IRAK3: variants seen among roughly 807,000 people sequenced by gnomAD.
IRAK3 encodes interleukin 1 receptor associated kinase 3.
In IRAK3, 57 loss-of-function variants were observed where a neutral mutation model predicts 56.6. The observed-to-expected ratio is 1.01, with a 90% CI of 0.81 to 1.26. The LOEUF (loss-of-function observed/expected upper bound fraction) is 1.26. Ranked by LOEUF, IRAK3 falls within the 50% of genes most tolerant of loss-of-function variation. IRAK3 has a pLI of 0.00. For synonymous variants in IRAK3, 258 were observed against 255.7 expected, an observed-to-expected ratio of 1.01 and a Z score of -0.09; for missense variants, 703 against 719.0, an observed-to-expected ratio of 0.98 and a Z score of 0.25.
chr12:66,194,247 T>G (rs1474699330), intron 1 of IRAK3, among the ~76,000 whole-genome samples: 1 of 152,164 alleles, frequency 6.6e-6, no homozygotes, highest in Non-Finnish European at 1.5e-5. Context: ...CTGTCACAAG[T>G]TAGTTAGACA....
intron 5 of IRAK3, among the ~76,000 whole-genome samples, chr12:66,216,728 G>A (rs1458820200): frequency 6.6e-6 from 1 of 152,144 alleles, no homozygotes; most frequent in Non-Finnish European, 1.5e-5. Context: ...TTTTCAAAAG[G>A]CAAAGGTAAA....
chr12:66,196,803 A>G, intron 1 of IRAK3: 1 of 1,382,126 alleles, frequency 7.2e-7, no homozygotes, highest in Non-Finnish European at 9.5e-7. Context: ...TTAACCTTAA[A>G]AGTTCTTTTA....
chr12:66,211,842 G>A (rs2052615377), intron 5 of IRAK3, among the ~76,000 whole-genome samples: 1 of 152,156 alleles, frequency 6.6e-6, no homozygotes, highest in South Asian at 2.1e-4. Flanking sequence ...TGGGTGTGGT[G>A]GTTCACGCCT....
At position 66,248,439 on chromosome 12, in the gene IRAK3, G is replaced by A. The variant is rs1180740907; in HGVS notation, c.*268G>A. 6.1e-6 allele frequency: 2 copies of A among 330,452 alleles called. No homozygotes were observed. The highest frequency in any genetic ancestry group is 8.5e-5 in the Admixed American group (2 of 23,540). The allele number at this position is 330,452 out of a possible 1,614,324, so 20.5% of individuals were successfully genotyped here. A position where few individuals can be genotyped will look rare whatever the true frequency, so the allele number is the denominator to read the frequency against. ...CATTCAAAATTCCTTAAGATCATGG[G>A]TTCTGACTTCAGCCAAACAAAACAA... On this transcript the variant is annotated 3_prime_UTR_variant, in exon 12 of 12. Transcript: ENST00000261233.
rs1313494571 is a variant in IRAK3 at position 66,226,774 on chromosome 12, G to A, written c.705G>A (p.Glu235=). Residue 235 remains glutamate (E), a synonymous_variant, in exon 7 of 12, where the codon GAG becomes GAA. Coordinates refer to ENST00000261233, the MANE Select transcript of IRAK3 (RefSeq NM_007199.3). ...LELAAYFTET[E]KFCLIYPYMR... ...TGGCTGCATATTTTACAGAGACTGA[G>A]AAGTTCTGTCTGATTTATCCATACA... is the stretch of plus-strand genomic sequence containing the variant. 2 of 1,611,908 alleles carry A rather than the reference G, an allele frequency of 1.2e-6. No individual in the cohort carries two copies. Among genetic ancestry groups the A allele is most frequent in the Middle Eastern group, 3.3e-4 (2 of 6,062 alleles).
In IRAK3 at chr12:66,248,449, C is replaced by A; in HGVS notation, c.*278C>A. The A allele has an allele frequency of 3.2e-6, 1 of 310,534 alleles. No homozygotes were observed. The highest frequency in any genetic ancestry group is 6.0e-6 in the Non-Finnish European group (1 of 165,730). 19.2% of individuals were successfully genotyped at this position (310,534 alleles called of 1,614,324 possible). A position where few individuals can be genotyped will look rare whatever the true frequency, so the allele number is the denominator to read the frequency against. ...TCCTTAAGATCATGGGTTCTGACTT[C>A]AGCCAAACAAAACAATCAAAACCTA... On this transcript the variant is annotated 3_prime_UTR_variant, in exon 12 of 12. Transcript: ENST00000261233.
rs560483814 is a variant in IRAK3, at chr12:66,249,978, C to G, written c.*1807C>G. 6.6e-6 allele frequency: 1 copy of G among 152,218 alleles called. No individual in the cohort carries two copies. Among genetic ancestry groups the G allele is most frequent in the Non-Finnish European group, 1.5e-5 (1 of 68,054 alleles). The allele number at this position is 152,218 out of a possible 1,614,324, so 9.4% of individuals were successfully genotyped here. A position where few individuals can be genotyped will look rare whatever the true frequency, so the allele number is the denominator to read the frequency against. On this transcript the variant is annotated 3_prime_UTR_variant, in exon 12 of 12. Coordinates refer to ENST00000261233, the MANE Select transcript of IRAK3 (RefSeq NM_007199.3). The stretch of plus-strand genomic sequence containing the variant: ...GGGGACCATTACTCTGTCTGTCATA[C>G]TCCCTGAGTGTGTAAGGGCCATCTC...
rs1410894067 is a variant in IRAK3, at chr12:66,251,106, G to T, written c.*2935G>T. 2 of 152,188 alleles carry T rather than the reference G, an allele frequency of 1.3e-5. No homozygotes were observed. The highest frequency in any genetic ancestry group is 6.5e-5 in the Admixed American group (1 of 15,274). 9.4% of individuals were successfully genotyped at this position (152,188 alleles called of 1,614,324 possible). A position where few individuals can be genotyped will look rare whatever the true frequency, so the allele number is the denominator to read the frequency against. ...ACAGAGTGGGAGCTCTAGAAAGATT[G>T]TTGACCAATCATCTTATTGACTAGA... On this transcript the variant is annotated 3_prime_UTR_variant, in exon 12 of 12. Transcript: ENST00000261233.
At chr12:66,197,540 C>A in intron 1 of IRAK3, 1 of 985,092 alleles carries the variant, frequency 1.0e-6, no homozygotes, top group Non-Finnish European at 1.2e-6. Context: ...ATTAAGGTTG[C>A]AGTGTGAATC....
intron 2 of IRAK3, 112 bp downstream of exon 2, chr12:66,204,005 T>G (rs1251451933): frequency 1.3e-5 from 13 of 976,374 alleles, no homozygotes; most frequent in Non-Finnish European, 2.1e-5. Context: ...TGTCAGTGTT[T>G]CCTTACCTGT....
chr12:66,196,604 C>G (rs1312049204), intron 1 of IRAK3, among the ~76,000 whole-genome samples: 1 of 152,158 alleles, frequency 6.6e-6, no homozygotes, highest in Non-Finnish European at 1.5e-5. Flanking sequence ...AAGTCACACA[C>G]AGCCCTCCGC....
rs949948170 is a variant in IRAK3 at position 66,248,632 on chromosome 12, C to T, written c.*461C>T. On this transcript the variant is annotated 3_prime_UTR_variant, in exon 12 of 12. Coordinates refer to ENST00000261233, the MANE Select transcript of IRAK3 (RefSeq NM_007199.3). ...CTAATTTGTAAATGTTAATAGATAC[C>T]TTTGGAAAGAATCACCTTGTTATTC... 1.3e-5 allele frequency: 2 copies of T among 153,288 alleles called. No individual in the cohort carries two copies. Among genetic ancestry groups the T allele is most frequent in the African/African-American group, 4.8e-5 (2 of 41,446 alleles). The allele number at this position is 153,288 out of a possible 1,614,324, so 9.5% of individuals were successfully genotyped here. A position where few individuals can be genotyped will look rare whatever the true frequency, so the allele number is the denominator to read the frequency against.
chr12:66,226,808 G>T lies in IRAK3; in HGVS notation c.739G>T (p.Gly247Ter). The T allele has an allele frequency of 6.2e-7, 1 of 1,600,974 alleles. No individual in the cohort carries two copies. Among genetic ancestry groups the T allele is most frequent in the Middle Eastern group, 1.7e-4 (1 of 6,036 alleles). The change falls in exon 7 of 12, where the codon GGA becomes TGA. Residue 247 changes from glycine (G) to a stop codon, truncating the protein, a stop_gained. Coordinates refer to ENST00000261233, the MANE Select transcript of IRAK3 (RefSeq NM_007199.3). LOFTEE classifies it high-confidence loss of function. ...FCLIYPYMRN[G>*]TLFDRLQCVG... ...TCTGATTTATCCATACATGAGAAAT[G>T]GAACACTTTTTGACAGATTGCAGTG...
intron 1 of IRAK3, chr12:66,197,123 G>A (rs1162280440): frequency 1.5e-6 from 2 of 1,295,578 alleles, no homozygotes; most frequent in Non-Finnish European, 2.0e-6. Context: ...TTGACTTTTT[G>A]GCTTATGTGA....
chr12:66,227,793 G>A (rs1183879067), intron 7 of IRAK3, among the ~76,000 whole-genome samples: 1 of 151,290 alleles, frequency 6.6e-6, no homozygotes, highest in Non-Finnish European at 1.5e-5. Context: ...GAGAGACAGA[G>A]AGAGGGAGAG....
At chr12:66,243,989 A>T (rs1592603865) in intron 8 of IRAK3, among the ~76,000 whole-genome samples, 1 of 152,230 alleles carries the variant, frequency 6.6e-6, no homozygotes, top group Non-Finnish European at 1.5e-5. Context: ...CAGAGATGAA[A>T]CCATGGGATA....
chr12:66,221,183 A>G (rs185369955), intron 6 of IRAK3, among the ~76,000 whole-genome samples: 1 of 152,284 alleles, frequency 6.6e-6, no homozygotes, highest in African/African-American at 2.4e-5. Context: ...CATTGTTAGC[A>G]TATAGACACA....
chr12:66,230,121 C>T (rs2052828268), intron 8 of IRAK3, among the ~76,000 whole-genome samples: 1 of 151,992 alleles, frequency 6.6e-6, no homozygotes, highest in African/African-American at 2.4e-5. Context: ...CAAGCTCTGC[C>T]CATGTCCCGT....
chr12:66,190,938 A>G (rs1187316176), intron 1 of IRAK3, among the ~76,000 whole-genome samples: 1 of 152,238 alleles, frequency 6.6e-6, no homozygotes, highest in African/African-American at 2.4e-5. Flanking sequence ...CATTTCTGGC[A>G]TCAAAGAACA....
Sources: gnomAD v4.1 joint callset for allele counts (sites outside exome capture counted in the v4.1 genomes callset) on GRCh38, gnomAD v4.1.1 for gene constraint, MANE v1.5 for transcripts, NCBI Gene and HGNC (gene_info 2026-07-23, HGNC 2026-07-21) for gene names.